Variants in SYS1 observed in about 807,000 individuals in gnomAD.
SYS1 encodes the protein SYS1 golgi trafficking protein, also known as protein SYS1 homolog.
A neutral mutation model predicts 17.8 loss-of-function variants in SYS1; 8 were observed. The observed-to-expected ratio is 0.45, with a 90% CI of 0.26 to 0.81. The LOEUF (loss-of-function observed/expected upper bound fraction) is 0.81, where lower values mean the gene tolerates loss of function less well. SYS1 is among the 40% of genes least tolerant of loss of function. The pLI, the probability that SYS1 is intolerant of heterozygous loss-of-function variation, is 0.16. For synonymous variants in SYS1, 95 were observed against 90.9 expected (o/e 1.05, Z -0.26); for missense variants, 161 against 203.9 (o/e 0.79, Z 1.28).
intron 2 of SYS1, 130 bp from the exon 3 acceptor site, chr20:45,365,489 C>T (rs950894051): frequency 2.4e-5 from 21 of 867,574 alleles, no homozygotes; most frequent in African/African-American, 4.9e-5. Flanking sequence ...AATAGGCTGC[C>T]GTACAGATGT....
intron 3 of SYS1, among the ~76,000 whole-genome samples, chr20:45,366,324 A>G (rs1988412843): frequency 6.6e-6 from 1 of 152,206 alleles, no homozygotes; most frequent in African/African-American, 2.4e-5. Flanking sequence ...AGTGCCTTGC[A>G]TGTTATTATT....
chr20:45,375,772 G>A, exon 4 of SYS1: 1 of 578,502 alleles, frequency 1.7e-6, no homozygotes, highest in Non-Finnish European at 3.0e-6. Flanking sequence ...ATGACTAGTA[G>A]TTAAGGCCCC....
In SYS1 at chr20:45,367,179, C is replaced by A; in HGVS notation, c.*64C>A. 6.3e-7 allele frequency: 1 copy of A among 1,590,230 alleles called. No individual in the cohort carries two copies. The highest frequency in any genetic ancestry group is 8.6e-7 in the Non-Finnish European group (1 of 1,166,230). On this transcript the variant is annotated 3_prime_UTR_variant, in exon 4 of 4. Coordinates refer to ENST00000243918, the MANE Select transcript of SYS1 (RefSeq NM_033542.4). The stretch of plus-strand genomic sequence containing the variant: ...CTTAACACCTTGGGCTGCTCAGACC[C>A]TCCAGATGAGGTCCAGCCCAGATCT...
chr20:45,365,332 A>G (rs1166525373), intron 2 of SYS1: 1 of 494,120 alleles, frequency 2.0e-6, no homozygotes, highest in Non-Finnish European at 3.8e-6. Flanking sequence ...GCTGTTCTAG[A>G]CTTTACTCTT....
At position 45,367,035 on chromosome 20, in the gene SYS1, G is replaced by A. The variant is rs771474461; in HGVS notation, c.391G>A (p.Ala131Thr). ...LVQAVCIALM[A>T]VIGEYLCMRT... is the part of the protein sequence containing the mutation. The stretch of plus-strand genomic sequence containing the variant: ...CCAAGCCGTGTGCATTGCACTCATG[G>A]CTGTCATCGGGGAGTACCTGTGCAT... The change falls in exon 4 of 4, where the codon GCT (alanine) becomes ACT (threonine). Residue 131 changes from alanine (A) to threonine (T), a missense_variant. By Grantham distance (58) the Ala-to-Thr change is moderately conservative (BLOSUM62 0). Coordinates refer to ENST00000243918, the MANE Select transcript of SYS1 (RefSeq NM_033542.4). 6.2e-7 allele frequency: 1 copy of A among 1,614,162 alleles called. No individual in the cohort carries two copies. The highest frequency in any genetic ancestry group is 1.1e-5 in the South Asian group (1 of 91,084).
chr20:45,375,497 C>G, exon 4 of SYS1: 9 of 1,604,764 alleles, frequency 5.6e-6, no homozygotes, highest in Non-Finnish European at 6.8e-6. Context: ...TCGGAGCACC[C>G]GATCTCCTGG....
chr20:45,365,544 TAGG>T (rs1278039709), intron 2 of SYS1, 72 bp from the exon 3 acceptor site: 3 of 1,405,660 alleles, frequency 2.1e-6, no homozygotes, highest in African/African-American at 2.8e-5. Flanking sequence ...GCTTGTTCCT[TAGG>T]AGGCTTGCTG....
At chr20:45,363,759 T>G in intron 2 of SYS1, 66 bp downstream of exon 2, 1 of 1,492,498 alleles carries the variant, frequency 6.7e-7, no homozygotes. Context: ...GGTCCATCAC[T>G]ACTGTGCTGT....
Position 45,368,594 on chromosome 20 carries a change from A to C in SYS1, c.*1479A>C. ...AGAGTAGGGAGTTGATGCTGACAGG[A>C]TGAAGATTTAGGAATAAATATGCCT... is the stretch of plus-strand genomic sequence containing the variant. On this transcript the variant is annotated 3_prime_UTR_variant, in exon 4 of 4. Transcript: ENST00000243918. 1.0e-6 allele frequency: 1 copy of C among 985,396 alleles called. No individual in the cohort carries two copies. Among genetic ancestry groups the C allele is most frequent in the Non-Finnish European group, 1.2e-6 (1 of 829,924 alleles). 61.0% of individuals were successfully genotyped at this position (985,396 alleles called of 1,614,324 possible).
Position 45,366,951 on chromosome 20 carries a change from C to A in SYS1, c.307C>A (p.Leu103Ile). 10 of 1,614,180 alleles carry A rather than the reference C, an allele frequency of 6.2e-6. No homozygotes were observed. The highest frequency in any genetic ancestry group is 8.5e-6 in the Non-Finnish European group (10 of 1,180,042). ...DFTVTVHFFH[L>I]LGCWFYSSRF... ...CACTGTCACTGTCCATTTCTTTCAC[C>A]TCCTGGGCTGCTGGTTCTACAGCTC... The change falls in exon 4 of 4, where the codon CTC (leucine) becomes ATC (isoleucine). Residue 103 changes from leucine (L) to isoleucine (I), a missense_variant. Transcript: ENST00000243918.
chr20:45,365,814 C>A, intron 3 of SYS1, 128 bp downstream of exon 3: 1 of 916,182 alleles, frequency 1.1e-6, no homozygotes, highest in Non-Finnish European at 1.8e-6. Flanking sequence ...GTGACAGAGG[C>A]CAGTTCTGGG....
rs1988487977 is a variant in SYS1, at chr20:45,368,469, A to G, written c.*1354A>G. On this transcript the variant is annotated 3_prime_UTR_variant, in exon 4 of 4. Coordinates refer to ENST00000243918, the MANE Select transcript of SYS1 (RefSeq NM_033542.4). ...TCAGAGCTTTCCCAAGAGAGCTGTCAGTTTTCAGCTGTCAGTAACACAAAT... is the reference window on the plus strand; with the variant it reads ...TCAGAGCTTTCCCAAGAGAGCTGTCGGTTTTCAGCTGTCAGTAACACAAAT... The G allele has an allele frequency of 9.1e-6, 9 of 985,352 alleles. No homozygotes were observed. Among genetic ancestry groups the G allele is most frequent in the Non-Finnish European group, 1.1e-5 (9 of 829,944 alleles). 61.0% of individuals were successfully genotyped at this position (985,352 alleles called of 1,614,324 possible).
Position 45,367,357 on chromosome 20 carries a change from T to A in SYS1, c.*242T>A, listed in dbSNP as rs1988450377. On this transcript the variant is annotated 3_prime_UTR_variant, in exon 4 of 4. Transcript: ENST00000243918. The stretch of plus-strand genomic sequence containing the variant: ...CTGAGAGGTCAGGAAGGGGACCTCT[T>A]TGAGGGTAATAACAGAATTGGAACC... 8.8e-6 allele frequency: 12 copies of A among 1,359,314 alleles called. No homozygotes were observed. Among genetic ancestry groups the A allele is most frequent in the Non-Finnish European group, 9.5e-6 (10 of 1,054,306 alleles). The allele number at this position is 1,359,314 out of a possible 1,614,324, so 84.2% of individuals were successfully genotyped here. A position where few individuals can be genotyped will look rare whatever the true frequency, so the allele number is the denominator to read the frequency against.
downstream of SYS1, chr20:45,374,002 T>TCA: frequency 6.2e-7 from 1 of 1,613,948 alleles, no homozygotes; most frequent in Non-Finnish European, 8.5e-7. Flanking sequence ...CTCGTCCAGG[T>TCA]CACATCAACC....
At chr20:45,374,795 C>T (rs370578709) in exon 4 of SYS1, 17 of 551,568 alleles carry the variant, frequency 3.1e-5, no homozygotes, top group African/African-American at 2.4e-4. Flanking sequence ...TGGCTCACTT[C>T]AGTGCCCCTC....
rs1244708138 is a variant in SYS1 at position 45,367,906 on chromosome 20, A to AT, written c.*799dup. ...GGCACCCAGCTCCCACTGGACTCCA[A>AT]TTTTTTTTCCTGCCTTATTTAGAAT... On this transcript the variant is annotated 3_prime_UTR_variant, in exon 4 of 4. Transcript: ENST00000243918. 4.1e-6 allele frequency: 4 copies of AT among 985,322 alleles called. No individual in the cohort carries two copies. The African/African-American group carries it at 5.3e-5, about 13-fold the overall frequency. 61.0% of individuals were successfully genotyped at this position (985,322 alleles called of 1,614,324 possible). A position where few individuals can be genotyped will look rare whatever the true frequency, so the allele number is the denominator to read the frequency against.
exon 4 of SYS1, chr20:45,374,437 A>T: frequency 1.8e-6 from 1 of 570,884 alleles, no homozygotes; most frequent in East Asian, 2.9e-5. Context: ...ACATCTGGCT[A>T]ATTTTTAAAT....
In SYS1 at chr20:45,375,470, T is replaced by C. The variant is rs1988702160; in HGVS notation, c.*1176T>C. The C allele has an allele frequency of 1.9e-6, 3 of 1,613,906 alleles. No homozygotes were observed. The highest frequency in any genetic ancestry group is 2.7e-5 in the African/African-American group (2 of 74,894). On this transcript the variant is annotated 3_prime_UTR_variant, in exon 4 of 4. Transcript: ENST00000426004. ...GGGTCCCCTGTGGACTCTAATTTCT[T>C]GGACTTGAGTTCCTTCTCGGAGCAC... is the stretch of plus-strand genomic sequence containing the variant.
chr20:45,363,470 CG>C (rs1044379774), intron 1 of SYS1, 58 bp from the exon 2 acceptor site: 51 of 1,522,808 alleles, frequency 3.3e-5, no homozygotes, highest in Non-Finnish European at 4.3e-5. Flanking sequence ...TCCTCCCGGG[CG>C]GGGCGACGTT....
Sources: gnomAD v4.1 joint callset for allele counts (sites outside exome capture counted in the v4.1 genomes callset) on GRCh38, gnomAD v4.1.1 for gene constraint, MANE v1.5 for transcripts, NCBI Gene and HGNC (gene_info 2026-07-23, HGNC 2026-07-21) for gene names.